SLC8A3: variants seen among roughly 807,000 people sequenced by gnomAD.
The protein encoded by SLC8A3 is sodium/calcium exchanger 3.
SLC8A3 carries 37 observed loss-of-function variants against 65.4 expected under a neutral mutation model. The ratio of observed to expected loss-of-function variants is 0.57; its 90% CI spans 0.44 to 0.74. The LOEUF (loss-of-function observed/expected upper bound fraction) is 0.74. Ranked by LOEUF, SLC8A3 falls within the 30% of genes least tolerant of loss-of-function variation. The pLI is 0.00. For synonymous variants in SLC8A3, 461 were observed against 444.5 expected (o/e 1.04, Z -0.47); for missense variants, 1,112 against 1,172.1 (o/e 0.95, Z 0.75).
At chr14:70,164,943 C>A (rs905801158) in intron 2 of SLC8A3, among the ~76,000 whole-genome samples, 1 of 152,196 alleles carries the variant, frequency 6.6e-6, no homozygotes, top group African/African-American at 2.4e-5. Context: ...CTTACGTTAA[C>A]AAATGATTAT....
At chr14:70,095,876 T>C (rs1367659298) in intron 2 of SLC8A3, among the ~76,000 whole-genome samples, 1 of 152,018 alleles carries the variant, frequency 6.6e-6, no homozygotes, top group Non-Finnish European at 1.5e-5. Context: ...CACATACCCA[T>C]ATATCTTCTT....
chr14:70,063,759 G>A (rs1889081765), intron 2 of SLC8A3: 1 of 900,812 alleles, frequency 1.1e-6, no homozygotes, highest in East Asian at 2.5e-5. Context: ...AAATGGGTTG[G>A]AGAGGAAGAA....
intron 2 of SLC8A3, among the ~76,000 whole-genome samples, chr14:70,146,976 T>C (rs1300597504): frequency 6.6e-6 from 1 of 152,186 alleles, no homozygotes; most frequent in Non-Finnish European, 1.5e-5. Flanking sequence ...TAAGACAAGG[T>C]ATATATTGAT....
Position 70,119,353 on chromosome 14 carries a change from G to T in SLC8A3, c.1784+47286C>A, listed in dbSNP as rs146278132. ...ACTTTGCCCTGCTTTCTCCTACATGGACACTGTGAGGCTTCCATTTATGTG... is the reference window on the plus strand; with the variant it reads ...ACTTTGCCCTGCTTTCTCCTACATGTACACTGTGAGGCTTCCATTTATGTG... On this transcript the variant is annotated intron_variant, in intron 2 of 6. Transcript: ENST00000356921. Among the ~76,000 whole-genome samples, 195 of 152,230 alleles carry T rather than the reference G, an allele frequency of 1.3e-3. 2 individuals carry two copies. The highest frequency in any genetic ancestry group is 4.5e-3 in the African/African-American group (187 of 41,536).
In SLC8A3 at chr14:70,167,939, C is replaced by T; in HGVS notation, c.484G>A (p.Ala162Thr). ...LIEVCGHGFIAGDLGPSTIVG... is the reference protein window; with the variant it reads ...LIEVCGHGFITGDLGPSTIVG... ...ATGGTAGAAGGTCCCAGATCACCAG[C>T]AATGAACCCATGACCACACACCTCA... The change falls in exon 2 of 7, where the codon GCT (alanine) becomes ACT (threonine). Residue 162 changes from alanine to threonine, a missense_variant. Transcript: ENST00000356921. The T allele has an allele frequency of 7.4e-6, 12 of 1,614,146 alleles. No homozygotes were observed. Among genetic ancestry groups the T allele is most frequent in the Non-Finnish European group, 1.0e-5 (12 of 1,180,018 alleles).
At chr14:70,171,966 A>C (rs138865657) in intron 1 of SLC8A3, among the ~76,000 whole-genome samples, 44 of 152,316 alleles carry the variant, frequency 2.9e-4, no homozygotes, top group African/African-American at 1.0e-3. Flanking sequence ...AAGCAGGAAC[A>C]TCTCTAATGA....
chr14:70,175,737 C>CTTT (rs537283424), intron 1 of SLC8A3, among the ~76,000 whole-genome samples: 1 of 126,800 alleles, frequency 7.9e-6, no homozygotes, highest in African/African-American at 2.9e-5. Context: ...TTTTTTTTTT[C>CTTT]TTTTTTTTTT....
chr14:70,170,024 C>T (rs75897244), intron 1 of SLC8A3, among the ~76,000 whole-genome samples: 8,900 of 152,176 alleles, frequency 0.058, 712 homozygotes, highest in East Asian at 0.34. Context: ...CTTCAGTAGC[C>T]TCCTAATGGA....
At chr14:70,052,672 G>A (rs1260582773) in intron 3 of SLC8A3, among the ~76,000 whole-genome samples, 3 of 152,254 alleles carry the variant, frequency 2.0e-5, no homozygotes, top group African/African-American at 7.2e-5. Flanking sequence ...ATGAAGACAT[G>A]TTTTCTGGAT....
chr14:70,121,348 A>G (rs1042051461), intron 2 of SLC8A3, among the ~76,000 whole-genome samples: 7 of 152,128 alleles, frequency 4.6e-5, no homozygotes, highest in African/African-American at 1.7e-4. Flanking sequence ...CAGCAGTGCC[A>G]CCCAAATTCC....
chr14:70,079,341 A>T (rs1041787473), intron 2 of SLC8A3, among the ~76,000 whole-genome samples: 1 of 150,474 alleles, frequency 6.6e-6, no homozygotes, highest in Non-Finnish European at 1.5e-5. Context: ...AAAAAAAAAA[A>T]AAAAAAAAAA....
At position 70,046,477 on chromosome 14, in the gene SLC8A3, G is replaced by A. The variant is rs7142759; in HGVS notation, c.2390-154C>T. On this transcript the variant is annotated intron_variant, in intron 6 of 6. Coordinates refer to ENST00000356921, the MANE Select transcript of SLC8A3 (RefSeq NM_182932.3). This position sits in a 1 kb window ranked among gnomAD's most constrained non-coding sequence, Gnocchi z 4.2. ...GCCACTCCTAACTCCTAGTTCTGCC[G>A]CAAGCAAGCCGTGTGGCCCTGGGTA... 0.31 allele frequency: 219,283 copies of A among 706,192 alleles called. 35,701 individuals are homozygous for A. The highest frequency in any genetic ancestry group is 0.46 in the East Asian group (16,900 of 36,710). The allele number at this position is 706,192 out of a possible 1,614,324, so 43.7% of individuals were successfully genotyped here.
At chr14:70,184,513 CTCCTCTCCTCTTTACT>C (rs1883021824) in intron 1 of SLC8A3, among the ~76,000 whole-genome samples, 1 of 152,186 alleles carries the variant, frequency 6.6e-6, no homozygotes, top group Non-Finnish European at 1.5e-5. Context: ...TCCCTCCACT[CTCCTCTCCTCTTTACT>C]TCCTCTCCTC....
Position 70,168,385 on chromosome 14 carries a change from A to G in SLC8A3, c.38T>C (p.Phe13Ser). 6.2e-7 allele frequency: 1 copy of G among 1,614,088 alleles called. No homozygotes were observed. The highest frequency in any genetic ancestry group is 8.5e-7 in the Non-Finnish European group (1 of 1,180,000). ...AAAGGTAACCAGCCCAAAATGGAGG[A>G]AGGCAGAGGTGAGAGGCTGCAACCT... ...WLRLQPLTSAFLHFGLVTFVL... is the reference protein window; with the variant it reads ...WLRLQPLTSASLHFGLVTFVL... The change falls in exon 2 of 7, where the codon TTC (phenylalanine) becomes TCC (serine). Residue 13 changes from phenylalanine (F) to serine (S), a missense_variant. Transcript: ENST00000356921.
At chr14:70,098,115 T>C (rs907346473) in intron 2 of SLC8A3, among the ~76,000 whole-genome samples, 6 of 152,164 alleles carry the variant, frequency 3.9e-5, no homozygotes, top group African/African-American at 1.4e-4. Flanking sequence ...ACTAAGCTCA[T>C]GGAAAGGGAG....
intron 2 of SLC8A3, among the ~76,000 whole-genome samples, chr14:70,137,319 G>T (rs377141835): frequency 7.2e-5 from 11 of 151,940 alleles, no homozygotes; most frequent in African/African-American, 2.7e-4. Context: ...TGCCTGGCTA[G>T]TTTTTGTATT....
intron 2 of SLC8A3, among the ~76,000 whole-genome samples, chr14:70,147,393 AT>A (rs1895992063): frequency 6.6e-6 from 1 of 152,210 alleles, no homozygotes; most frequent in Non-Finnish European, 1.5e-5. Flanking sequence ...ACAGATTCCA[AT>A]GTGGCTGTAA....
Position 70,166,768 on chromosome 14 carries a change from A to T in SLC8A3, c.1655T>A (p.Val552Asp). The T allele has an allele frequency of 6.2e-7, 1 of 1,613,984 alleles. No individual in the cohort carries two copies. The highest frequency in any genetic ancestry group is 8.5e-7 in the Non-Finnish European group (1 of 1,179,904). Reference protein sequence around the residue: ...SESIGVMEVKVLRTSGARGTV... With the variant: ...SESIGVMEVKDLRTSGARGTV... The stretch of plus-strand genomic sequence containing the variant: ...ACCCCGGGCACCTGATGTCCGCAGA[A>T]CCTTGACCTCCATAACACCAATACT... The change falls in exon 2 of 7, where the codon GTT (valine) becomes GAT (aspartate). Residue 552 changes from valine to aspartate, a missense_variant. Transcript: ENST00000356921.
intron 2 of SLC8A3, among the ~76,000 whole-genome samples, chr14:70,099,515 T>C (rs1258332410): frequency 6.6e-6 from 1 of 152,200 alleles, no homozygotes. Flanking sequence ...TTCCCAATTG[T>C]AAAGTTGGGC....
Sources: gnomAD v4.1 joint callset for allele counts (sites outside exome capture counted in the v4.1 genomes callset) on GRCh38, gnomAD v4.1.1 for gene constraint, Gnocchi (gnomAD v3.1) non-coding constraint, MANE v1.5 for transcripts, NCBI Gene and HGNC (gene_info 2026-07-23, HGNC 2026-07-21) for gene names.